Variants in ADAMTS17 observed in about 807,000 individuals in gnomAD.
ADAMTS17 encodes A disintegrin and metalloproteinase with thrombospondin motifs 17.
A neutral mutation model predicts 141.5 loss-of-function variants in ADAMTS17; 113 were observed. That is an observed-to-expected ratio of 0.80 (90% confidence interval 0.69 to 0.93). The LOEUF (loss-of-function observed/expected upper bound fraction) is 0.93, where lower values mean the gene tolerates loss of function less well. Among genes scored for constraint, ADAMTS17 ranks in the 40% least tolerant of loss-of-function variants. The pLI is 0.00. For missense variants in ADAMTS17, 1,659 were observed against 1,517.9 expected, an observed-to-expected ratio of 1.09 and a Z score of -1.54; for synonymous variants, 768 against 630.6, an observed-to-expected ratio of 1.22 and a Z score of -3.27.
chr15:100,146,259 C>G (rs1243204225), intron 10 of ADAMTS17, among the ~76,000 whole-genome samples: 1 of 152,108 alleles, frequency 6.6e-6, no homozygotes, highest in African/African-American at 2.4e-5. Context: ...AGTCAGGGAC[C>G]CCAAATGGAG....
chr15:100,150,902 C>G (rs540569807), intron 10 of ADAMTS17, among the ~76,000 whole-genome samples: 1 of 152,312 alleles, frequency 6.6e-6, no homozygotes, highest in East Asian at 1.9e-4. Flanking sequence ...AAGGGACTCC[C>G]TGAAACCTGC....
At chr15:100,137,951 G>A (rs544233125) in intron 10 of ADAMTS17, among the ~76,000 whole-genome samples, 11 of 150,976 alleles carry the variant, frequency 7.3e-5, no homozygotes, top group Admixed American at 1.3e-4. Flanking sequence ...ACCAATGCCC[G>A]CCCTTTCATT....
intron 8 of ADAMTS17, among the ~76,000 whole-genome samples, chr15:100,156,852 A>G (rs1012513961): frequency 6.6e-6 from 1 of 152,236 alleles, no homozygotes; most frequent in Non-Finnish European, 1.5e-5. Context: ...TATAAAAGAA[A>G]CTAGATTCAA....
At chr15:100,070,386 G>A (rs2033879714) in intron 15 of ADAMTS17, among the ~76,000 whole-genome samples, 1 of 150,192 alleles carries the variant, frequency 6.7e-6, no homozygotes, top group Admixed American at 6.7e-5. Context: ...TCTGCACCAA[G>A]TGGACCTAAT....
intron 18 of ADAMTS17, among the ~76,000 whole-genome samples, chr15:100,005,429 T>C (rs929333245): frequency 1.3e-5 from 2 of 152,132 alleles, no homozygotes; most frequent in African/African-American, 4.8e-5. Context: ...TCCAGCTCCA[T>C]GCTGCCCCAT....
At chr15:100,011,550 A>G (rs951019074) in intron 18 of ADAMTS17, among the ~76,000 whole-genome samples, 3 of 152,150 alleles carry the variant, frequency 2.0e-5, no homozygotes, top group African/African-American at 7.2e-5. Context: ...TAGATTCTCT[A>G]GTTATTATAC....
At position 100,154,956 on chromosome 15, in the gene ADAMTS17, A is replaced by G. The variant is rs766108130; in HGVS notation, c.1322+224T>C. 7.9e-5 allele frequency among the ~76,000 whole-genome samples: 12 copies of G among 152,334 alleles called. 1 individual carries two copies. Among genetic ancestry groups the G allele is most frequent in the Admixed American group, 2.6e-4 (4 of 15,312 alleles). On this transcript the variant is annotated intron_variant, in intron 9 of 21. Coordinates refer to ENST00000268070, the MANE Select transcript of ADAMTS17 (RefSeq NM_139057.4). ...ATGTTGACATTTGAGTCGATCGGCA[A>G]TTACGTAATGATCACCCACTGTGCG...
At chr15:100,278,999 T>A (rs948082904) in intron 4 of ADAMTS17, among the ~76,000 whole-genome samples, 1 of 152,126 alleles carries the variant, frequency 6.6e-6, no homozygotes, top group Non-Finnish European at 1.5e-5. Flanking sequence ...GGCCACCACA[T>A]GCCACCAGGC....
intron 20 of ADAMTS17, among the ~76,000 whole-genome samples, chr15:99,982,595 G>C (rs1596149789): frequency 6.6e-6 from 1 of 152,152 alleles, no homozygotes; most frequent in African/African-American, 2.4e-5. Flanking sequence ...TGATAGCATC[G>C]AATTTGCCCC....
At chr15:100,338,568 G>C (rs2046273618) in intron 2 of ADAMTS17, among the ~76,000 whole-genome samples, 1 of 152,186 alleles carries the variant, frequency 6.6e-6, no homozygotes, top group Non-Finnish European at 1.5e-5. Context: ...CTGCAACAAA[G>C]GCTATGTGGC....
At chr15:100,299,709 G>C (rs1379937933) in intron 3 of ADAMTS17, among the ~76,000 whole-genome samples, 2 of 152,160 alleles carry the variant, frequency 1.3e-5, no homozygotes, top group Non-Finnish European at 2.9e-5. Context: ...TCTTTGACAA[G>C]GATGTAAGAG....
intron 10 of ADAMTS17, among the ~76,000 whole-genome samples, chr15:100,140,484 C>CATAAATATATAT (rs1164353969): frequency 2.4e-5 from 1 of 40,830 alleles, no homozygotes; most frequent in African/African-American, 5.2e-5. Flanking sequence ...CACACACATA[C>CATAAATATATAT]ATACATATAT....
intron 21 of ADAMTS17, among the ~76,000 whole-genome samples, chr15:99,975,234 G>T (rs897946582): frequency 2.0e-5 from 3 of 152,192 alleles, no homozygotes; most frequent in African/African-American, 4.8e-5. Flanking sequence ...TGTTGAGATG[G>T]AGTCTTACTC....
chr15:100,340,331 G>T (rs920153378), intron 2 of ADAMTS17, among the ~76,000 whole-genome samples: 1 of 152,180 alleles, frequency 6.6e-6, no homozygotes, highest in Admixed American at 6.5e-5. Context: ...TTCGGGGCAG[G>T]GAAGTTACTG....
intron 6 of ADAMTS17, among the ~76,000 whole-genome samples, chr15:100,255,492 G>A (rs559457855): frequency 1.4e-4 from 21 of 152,266 alleles, no homozygotes; most frequent in African/African-American, 4.1e-4. Flanking sequence ...AGCAATAGGC[G>A]ATAGAAGCAG....
chr15:99,988,678 G>A (rs917648101), intron 20 of ADAMTS17, among the ~76,000 whole-genome samples: 1 of 152,220 alleles, frequency 6.6e-6, no homozygotes, highest in Admixed American at 6.5e-5. Flanking sequence ...GCCTGGAAGT[G>A]TTCTTCACAG....
At chr15:100,245,641 T>C (rs1012444759) in intron 7 of ADAMTS17, among the ~76,000 whole-genome samples, 1 of 152,240 alleles carries the variant, frequency 6.6e-6, no homozygotes. Context: ...CTTGGTCCCC[T>C]GGGGCAACTG....
intron 18 of ADAMTS17, among the ~76,000 whole-genome samples, chr15:100,048,086 C>G (rs772766176): frequency 6.6e-6 from 1 of 152,054 alleles, no homozygotes; most frequent in Admixed American, 6.5e-5. Context: ...ACTAGGCAAG[C>G]GGCACAAATT....
In ADAMTS17 at chr15:100,148,342, C is replaced by T. The variant is rs191481360; in HGVS notation, c.1473+4270G>A. Among the ~76,000 whole-genome samples the T allele has an allele frequency of 2.3e-3, 353 of 152,304 alleles. 1 individual carries two copies. Among genetic ancestry groups the T allele is most frequent in the African/African-American group, 8.1e-3 (337 of 41,578 alleles). On this transcript the variant is annotated intron_variant, in intron 10 of 21. Coordinates refer to ENST00000268070, the MANE Select transcript of ADAMTS17 (RefSeq NM_139057.4). ...CGAAATTACTACTTCCAGGGCTCTT[C>T]ATTTCTTTGTGTAGATCCATATTTC...
Sources: allele counts gnomAD v4.1 joint callset (sites outside exome capture counted in the v4.1 genomes callset), GRCh38; gene constraint gnomAD v4.1.1; transcripts MANE v1.5; gene names NCBI Gene and HGNC (gene_info 2026-07-23, HGNC 2026-07-21).